Variants in RASEF observed in about 807,000 individuals in gnomAD.
RASEF encodes RAS and EF-hand domain containing.
RASEF carries 68 observed loss-of-function variants against 90.1 expected under a neutral mutation model. That is an observed-to-expected ratio of 0.75 (90% CI 0.62 to 0.92). The LOEUF is 0.92. RASEF is among the 40% of genes least tolerant of loss of function. RASEF has a pLI of 0.00. For missense variants in RASEF, 949 were observed against 937.2 expected (o/e 1.01, Z -0.16); for synonymous variants, 331 against 345.2 (o/e 0.96, Z 0.46).
chr9:83,131,844 T>C, the RASEF span, among the ~76,000 whole-genome samples: 3 of 152,328 alleles, frequency 2.0e-5, no homozygotes, highest in South Asian at 6.2e-4. Flanking sequence ...TGCATATATA[T>C]AGGATGTCTA....
upstream of RASEF, among the ~76,000 whole-genome samples, chr9:83,066,427 C>A (rs925794478): frequency 1.3e-5 from 2 of 152,208 alleles, no homozygotes; most frequent in African/African-American, 4.8e-5. Flanking sequence ...GCAATATACT[C>A]AGGGGAAAGC....
chr9:83,079,772 T>C, the RASEF span, among the ~76,000 whole-genome samples: 36 of 151,994 alleles, frequency 2.4e-4, no homozygotes, highest in African/African-American at 8.7e-4. Context: ...CAACAAATTG[T>C]ATGTCTAAAC....
intron 1 of RASEF, among the ~76,000 whole-genome samples, chr9:83,057,105 T>C (rs1219875364): frequency 6.6e-6 from 1 of 152,092 alleles, no homozygotes; most frequent in Admixed American, 6.5e-5. Context: ...GGATCAAAGG[T>C]TCATTCCCCC....
At chr9:83,053,792 C>T (rs866270216) in intron 1 of RASEF, among the ~76,000 whole-genome samples, 2,147 of 137,180 alleles carry the variant, frequency 0.016, 167 homozygotes, top group African/African-American at 0.062. Flanking sequence ...TTTATTTCTC[C>T]TTCACTTATG....
At chr9:83,086,908 C>A in the RASEF span, among the ~76,000 whole-genome samples, 4 of 152,150 alleles carry the variant, frequency 2.6e-5, no homozygotes, top group Middle Eastern at 3.2e-3. Context: ...CTGCTGTATT[C>A]TTTGGTCTCA....
the RASEF span, among the ~76,000 whole-genome samples, chr9:83,166,259 C>T: frequency 3.9e-5 from 6 of 152,026 alleles, no homozygotes; most frequent in Non-Finnish European, 8.8e-5. Flanking sequence ...CGAAAGTCCC[C>T]GACAAAATAT....
At chr9:83,157,810 T>A in the RASEF span, among the ~76,000 whole-genome samples, 1 of 152,198 alleles carries the variant, frequency 6.6e-6, no homozygotes, top group Non-Finnish European at 1.5e-5. Flanking sequence ...AAATATTTGA[T>A]AATCAAAGTG....
At chr9:83,012,536 T>C in intron 4 of RASEF, 25 bp from the exon 5 acceptor site, 9 of 1,460,658 alleles carry the variant, frequency 6.2e-6, no homozygotes, top group Non-Finnish European at 7.5e-6. Context: ...AAAAGTTGTG[T>C]GCTTACAAAC....
chr9:83,201,649 T>G, the RASEF span, among the ~76,000 whole-genome samples: 1 of 152,190 alleles, frequency 6.6e-6, no homozygotes, highest in Non-Finnish European at 1.5e-5. Flanking sequence ...TACAAATTAG[T>G]TACTTGCCTG....
chr9:83,202,454 A>T, the RASEF span, among the ~76,000 whole-genome samples: 10 of 152,332 alleles, frequency 6.6e-5, no homozygotes, highest in Middle Eastern at 6.8e-3. Flanking sequence ...AAATGAATTT[A>T]ACAAGAAATG....
chr9:83,177,616 T>TTG, the RASEF span, among the ~76,000 whole-genome samples: 4 of 58,106 alleles, frequency 6.9e-5, no homozygotes, highest in Admixed American at 1.7e-4. Context: ...CATTTAGTTG[T>TTG]TTTTTTTTTT....
chr9:83,036,981 A>G (rs1196156096), intron 1 of RASEF, among the ~76,000 whole-genome samples: 1 of 152,062 alleles, frequency 6.6e-6, no homozygotes, highest in African/African-American at 2.4e-5. Context: ...CCCTACATAC[A>G]GTGGTATCAT....
the RASEF span, among the ~76,000 whole-genome samples, chr9:83,215,781 A>C: frequency 6.6e-6 from 1 of 152,216 alleles, no homozygotes; most frequent in East Asian, 1.9e-4. Context: ...AGAAGAAGAC[A>C]GGAAAATATG....
At chr9:83,174,241 A>G in the RASEF span, among the ~76,000 whole-genome samples, 3 of 152,068 alleles carry the variant, frequency 2.0e-5, no homozygotes, top group East Asian at 5.8e-4. Flanking sequence ...GTACAAGGTC[A>G]TGAAGATTTG....
At chr9:83,058,994 G>A (rs1163247111) in intron 1 of RASEF, among the ~76,000 whole-genome samples, 1 of 152,046 alleles carries the variant, frequency 6.6e-6, no homozygotes, top group African/African-American at 2.4e-5. Context: ...ACACCCTCAG[G>A]TACCTGACCT....
At chr9:83,078,628 C>T in the RASEF span, among the ~76,000 whole-genome samples, 1 of 151,642 alleles carries the variant, frequency 6.6e-6, no homozygotes, top group East Asian at 1.9e-4. Context: ...TGCACCACTG[C>T]ACTTCAGCCT....
chr9:83,078,239 T>C, the RASEF span, among the ~76,000 whole-genome samples: 1 of 152,096 alleles, frequency 6.6e-6, no homozygotes, highest in Admixed American at 6.6e-5. Context: ...TCAAAGTAAA[T>C]TAAAATGGAG....
At chr9:83,141,371 C>T in the RASEF span, among the ~76,000 whole-genome samples, 1 of 151,998 alleles carries the variant, frequency 6.6e-6, no homozygotes, top group Non-Finnish European at 1.5e-5. Flanking sequence ...CAACAGACTA[C>T]AGAGCACAAA....
At chr9:83,121,890 C>T in the RASEF span, among the ~76,000 whole-genome samples, 4 of 152,106 alleles carry the variant, frequency 2.6e-5, no homozygotes, top group Non-Finnish European at 5.9e-5. Flanking sequence ...ACCATAGGTA[C>T]GAAGTTAAGC....
Sources: allele counts gnomAD v4.1 joint callset (sites outside exome capture counted in the v4.1 genomes callset), GRCh38; gene constraint gnomAD v4.1.1; transcripts MANE v1.5; gene names NCBI Gene and HGNC (gene_info 2026-07-23, HGNC 2026-07-21).